Variants in NLGN1 observed in about 807,000 individuals in gnomAD.
The protein encoded by NLGN1 is neuroligin-1.
A neutral mutation model predicts 65.5 loss-of-function variants in NLGN1; 12 were observed. That is an observed-to-expected ratio of 0.18 (90% CI 0.12 to 0.30). The LOEUF (loss-of-function observed/expected upper bound fraction) is 0.30. NLGN1 is among the 10% of genes least tolerant of loss of function. The pLI, the probability that NLGN1 is intolerant of heterozygous loss-of-function variation, is 1.00. For synonymous variants in NLGN1, 350 were observed against 359.5 expected, an observed-to-expected ratio of 0.97 and a Z score of 0.30; for missense variants, 750 against 1,007.1, an observed-to-expected ratio of 0.74 and a Z score of 3.46.
intron 3 of NLGN1, among the ~76,000 whole-genome samples, chr3:173,702,636 A>G (rs1767399899): frequency 6.6e-6 from 1 of 152,196 alleles, no homozygotes; most frequent in Non-Finnish European, 1.5e-5. Flanking sequence ...AGATATAATA[A>G]TCGCCTTTTA....
chr3:173,838,996 T>C (rs898204757), intron 4 of NLGN1, among the ~76,000 whole-genome samples: 6 of 152,178 alleles, frequency 3.9e-5, no homozygotes, highest in African/African-American at 1.4e-4. Flanking sequence ...GAAAGCCATT[T>C]TTCGTGTCTT....
chr3:173,585,445 C>T (rs1020069142), intron 2 of NLGN1, among the ~76,000 whole-genome samples: 2 of 152,084 alleles, frequency 1.3e-5, no homozygotes, highest in African/African-American at 4.8e-5. Flanking sequence ...GGATATTTTG[C>T]AGGGGGAATT....
chr3:173,576,171 G>A (rs1745469681), intron 2 of NLGN1, among the ~76,000 whole-genome samples: 1 of 152,006 alleles, frequency 6.6e-6, no homozygotes, highest in Admixed American at 6.6e-5. Context: ...ATATAATACA[G>A]TATTAAATTT....
At chr3:173,832,578 GAAC>G (rs1722821581) in intron 4 of NLGN1, among the ~76,000 whole-genome samples, 1 of 152,120 alleles carries the variant, frequency 6.6e-6, no homozygotes, top group African/African-American at 2.4e-5. Context: ...TTCCTTTAAA[GAAC>G]AAGAAGACTA....
At chr3:173,532,613 A>G (rs1240823507) in intron 2 of NLGN1, among the ~76,000 whole-genome samples, 5 of 152,206 alleles carry the variant, frequency 3.3e-5, no homozygotes, top group Non-Finnish European at 5.9e-5. Context: ...GCAAAGTCCG[A>G]TAGAGTAGTC....
chr3:173,468,416 T>G (rs528977805), intron 2 of NLGN1, among the ~76,000 whole-genome samples: 10 of 152,224 alleles, frequency 6.6e-5, no homozygotes, highest in African/African-American at 2.4e-4. Flanking sequence ...CTTGAAGTAG[T>G]TAAGCTTAGA....
intron 4 of NLGN1, among the ~76,000 whole-genome samples, chr3:173,976,216 A>G (rs1164530900): frequency 4.6e-5 from 7 of 152,026 alleles, no homozygotes; most frequent in South Asian, 2.1e-4. Flanking sequence ...TTTTGCATAT[A>G]TTTTTGTAAG....
intron 1 of NLGN1, among the ~76,000 whole-genome samples, chr3:173,429,466 A>C (rs1716788102): frequency 6.6e-6 from 1 of 152,158 alleles, no homozygotes. Flanking sequence ...GAGAGGTAAA[A>C]AATCACCATA....
intron 2 of NLGN1, among the ~76,000 whole-genome samples, chr3:173,459,080 AAAG>A (rs1722955887): frequency 6.6e-6 from 1 of 152,032 alleles, no homozygotes; most frequent in Admixed American, 6.6e-5. Flanking sequence ...TGTTAAGAAG[AAAG>A]AAGAGGGTAT....
intron 3 of NLGN1, among the ~76,000 whole-genome samples, chr3:173,756,056 A>G (rs1404908969): frequency 6.6e-6 from 1 of 152,072 alleles, no homozygotes; most frequent in East Asian, 1.9e-4. Flanking sequence ...TCTTCAACAA[A>G]TAGAGCTACA....
intron 4 of NLGN1, among the ~76,000 whole-genome samples, chr3:174,066,560 C>CTG (rs1326570279): frequency 5.2e-5 from 7 of 133,920 alleles, no homozygotes; most frequent in African/African-American, 1.9e-4. Context: ...CTCTCTCTCT[C>CTG]TCTCTGTGTG....
chr3:173,763,101 A>G (rs1009498448), intron 3 of NLGN1, among the ~76,000 whole-genome samples: 3 of 152,064 alleles, frequency 2.0e-5, no homozygotes, highest in Non-Finnish European at 4.4e-5. Context: ...AGAAATGGAC[A>G]AAGCTTTGGG....
At chr3:173,629,417 C>T (rs1321984759) in intron 3 of NLGN1, among the ~76,000 whole-genome samples, 1 of 151,936 alleles carries the variant, frequency 6.6e-6, no homozygotes, top group East Asian at 1.9e-4. Flanking sequence ...TGCCCAGCTT[C>T]CAATTTCTTA....
At chr3:174,199,542 G>C (rs1057427130) in intron 4 of NLGN1, among the ~76,000 whole-genome samples, 1 of 151,734 alleles carries the variant, frequency 6.6e-6, no homozygotes, top group East Asian at 1.9e-4. Context: ...ATCTATGAGG[G>C]TCCTTTTCAA....
At chr3:173,723,811 G>A (rs540299154) in intron 3 of NLGN1, among the ~76,000 whole-genome samples, 1 of 152,302 alleles carries the variant, frequency 6.6e-6, no homozygotes, top group South Asian at 2.1e-4. Context: ...GCACAAAGGT[G>A]CAAGCAGAGA....
chr3:174,142,367 A>C (rs1290335755), intron 4 of NLGN1, among the ~76,000 whole-genome samples: 1 of 152,124 alleles, frequency 6.6e-6, no homozygotes, highest in Non-Finnish European at 1.5e-5. Flanking sequence ...TTTTCTCTTT[A>C]ATTGCCATTA....
intron 4 of NLGN1, among the ~76,000 whole-genome samples, chr3:174,237,665 T>C (rs1356274940): frequency 6.6e-6 from 1 of 152,202 alleles, no homozygotes; most frequent in Non-Finnish European, 1.5e-5. Flanking sequence ...CAAGTGATTC[T>C]CCTGCCTCAG....
At chr3:173,786,088 T>A (rs765171682) in intron 3 of NLGN1, among the ~76,000 whole-genome samples, 1 of 152,132 alleles carries the variant, frequency 6.6e-6, no homozygotes, top group Non-Finnish European at 1.5e-5. Flanking sequence ...CCTCAGAGGA[T>A]AAGAGGGTTA....
intron 4 of NLGN1, among the ~76,000 whole-genome samples, chr3:173,940,281 G>C (rs1490431551): frequency 6.6e-6 from 1 of 151,844 alleles, no homozygotes; most frequent in Admixed American, 6.6e-5. Context: ...GAGAGGCAGG[G>C]TTTCTCCATG....
Sources: allele counts gnomAD v4.1 joint callset (sites outside exome capture counted in the v4.1 genomes callset), GRCh38; gene constraint gnomAD v4.1.1; transcripts MANE v1.5; gene names NCBI Gene and HGNC (gene_info 2026-07-23, HGNC 2026-07-21).